PXDNL: variants seen among roughly 807,000 people sequenced by gnomAD.
PXDNL encodes the protein peroxidasin like.
In PXDNL, 145 loss-of-function variants were observed where a neutral mutation model predicts 150.8. That is an observed-to-expected ratio of 0.96 (90% CI 0.84 to 1.10). PXDNL has a LOEUF of 1.10. PXDNL is among the 50% of genes least tolerant of loss of function. PXDNL has a pLI of 0.00. For synonymous variants in PXDNL, 757 were observed against 725.7 expected, an observed-to-expected ratio of 1.04 and a Z score of -0.69; for missense variants, 2,087 against 1,873.9, an observed-to-expected ratio of 1.11 and a Z score of -2.10.
At chr8:51,442,574 T>C (rs186839010) in intron 12 of PXDNL, among the ~76,000 whole-genome samples, 1 of 152,206 alleles carries the variant, frequency 6.6e-6, no homozygotes, top group Admixed American at 6.5e-5. Context: ...TGAGAATGAA[T>C]GTTGAATGTT....
chr8:51,802,687 G>A (rs776021693), intron 1 of PXDNL, among the ~76,000 whole-genome samples: 1 of 152,160 alleles, frequency 6.6e-6, no homozygotes, highest in South Asian at 2.1e-4. Flanking sequence ...TATTGCATTT[G>A]AAAAGGGTCT....
At chr8:51,716,031 T>C (rs1281201850) in intron 1 of PXDNL, among the ~76,000 whole-genome samples, 1 of 152,226 alleles carries the variant, frequency 6.6e-6, no homozygotes, top group Non-Finnish European at 1.5e-5. Flanking sequence ...TGCTCAACCA[T>C]AGACTGGCTT....
chr8:51,436,861 G>A (rs1809419493), intron 12 of PXDNL, among the ~76,000 whole-genome samples: 1 of 151,906 alleles, frequency 6.6e-6, no homozygotes, highest in Non-Finnish European at 1.5e-5. Flanking sequence ...AAAGACCAGA[G>A]CAGAACTACA....
chr8:51,510,995 T>C (rs1243617008), intron 4 of PXDNL, among the ~76,000 whole-genome samples: 2 of 152,194 alleles, frequency 1.3e-5, no homozygotes, highest in Non-Finnish European at 2.9e-5. Flanking sequence ...GTGTTAGCTA[T>C]GAGGATGCTA....
chr8:51,652,378 ATC>A (rs10560519), intron 2 of PXDNL, among the ~76,000 whole-genome samples: 112,392 of 141,550 alleles, frequency 0.79, 44,274 homozygotes, highest in East Asian at 0.84. Flanking sequence ...CTAGACAGAA[ATC>A]TCTCTCTCTC....
chr8:51,350,042 C>A (rs144940250), intron 19 of PXDNL, among the ~76,000 whole-genome samples: 1 of 152,104 alleles, frequency 6.6e-6, no homozygotes, highest in Non-Finnish European at 1.5e-5. Context: ...GGGGTATATA[C>A]CCTGGTTCTT....
At chr8:51,707,814 T>A (rs2976211) in intron 1 of PXDNL, among the ~76,000 whole-genome samples, 4,328 of 152,270 alleles carry the variant, frequency 0.028, 207 homozygotes, top group African/African-American at 0.098. Context: ...TAACATAATA[T>A]CTTTCAGGTC....
At chr8:51,337,302 CTG>C (rs1464349148) in intron 21 of PXDNL, among the ~76,000 whole-genome samples, 1 of 152,134 alleles carries the variant, frequency 6.6e-6, no homozygotes, top group Non-Finnish European at 1.5e-5. Context: ...TGGAATCTAC[CTG>C]TGTCTGTAAA....
At chr8:51,573,524 A>G (rs1812988557) in intron 3 of PXDNL, among the ~76,000 whole-genome samples, 1 of 151,982 alleles carries the variant, frequency 6.6e-6, no homozygotes, top group Admixed American at 6.6e-5. Context: ...ATAATAAAGC[A>G]TTTATACCCT....
intron 2 of PXDNL, among the ~76,000 whole-genome samples, chr8:51,596,613 T>C (rs966759909): frequency 5.3e-5 from 8 of 151,552 alleles, no homozygotes; most frequent in African/African-American, 1.9e-4. Flanking sequence ...ATTATAGAGG[T>C]AGTATCTTAT....
At chr8:51,778,059 G>A (rs781384718) in intron 1 of PXDNL, among the ~76,000 whole-genome samples, 14 of 152,128 alleles carry the variant, frequency 9.2e-5, no homozygotes, top group African/African-American at 3.1e-4. Flanking sequence ...TCAATTGGCC[G>A]GGTGTGGTGG....
chr8:51,357,094 A>G (rs1461439124), intron 19 of PXDNL, among the ~76,000 whole-genome samples: 1 of 152,218 alleles, frequency 6.6e-6, no homozygotes, highest in African/African-American at 2.4e-5. Context: ...AAGTACCCAG[A>G]AAAACAAAAA....
chr8:51,567,699 A>T lies in PXDNL; in HGVS notation c.309-10788T>A, dbSNP rs79725097. On this transcript the variant is annotated intron_variant, in intron 3 of 22. Transcript: ENST00000356297. ...GGGTAGTGCTGGTACCTTGTAACAG[A>T]GTATAGTCATCCTTCAGTATCCATA... 5.1e-4 allele frequency among the ~76,000 whole-genome samples: 77 copies of T among 151,866 alleles called. 1 individual carries two copies. In the East Asian group the frequency reaches 0.014, roughly 28 times the overall value.
chr8:51,496,954 C>A (rs1200907658), intron 5 of PXDNL, among the ~76,000 whole-genome samples: 1 of 151,954 alleles, frequency 6.6e-6, no homozygotes, highest in Non-Finnish European at 1.5e-5. Flanking sequence ...CATATAGAAC[C>A]AAAAAAGAGC....
chr8:51,377,886 C>T (rs1214235605), intron 17 of PXDNL, among the ~76,000 whole-genome samples: 1 of 152,244 alleles, frequency 6.6e-6, no homozygotes, highest in Non-Finnish European at 1.5e-5. Flanking sequence ...CCATCAACTG[C>T]CCAAGGGCTG....
intron 3 of PXDNL, among the ~76,000 whole-genome samples, chr8:51,577,677 A>G (rs1405002455): frequency 1.3e-5 from 2 of 149,888 alleles, no homozygotes; most frequent in East Asian, 3.9e-4. Flanking sequence ...ACTAAATTCT[A>G]TGCCCATTCA....
chr8:51,323,830 C>T (rs1402922971), intron 21 of PXDNL, among the ~76,000 whole-genome samples: 8 of 151,478 alleles, frequency 5.3e-5, no homozygotes, highest in African/African-American at 1.7e-4. Context: ...GCAGGATAAT[C>T]ATTTGAACCC....
intron 2 of PXDNL, among the ~76,000 whole-genome samples, chr8:51,597,796 C>A (rs528926412): frequency 1.3e-5 from 2 of 151,568 alleles, no homozygotes; most frequent in African/African-American, 4.8e-5. Flanking sequence ...CTCACCGCAA[C>A]CTCCGCCTCC....
intron 4 of PXDNL, among the ~76,000 whole-genome samples, chr8:51,516,083 T>C (rs1262008034): frequency 1.3e-5 from 2 of 152,184 alleles, no homozygotes; most frequent in African/African-American, 2.4e-5. Flanking sequence ...TTTGGGTGGA[T>C]TTTTTTCTGT....
Sources: allele counts gnomAD v4.1 joint callset (sites outside exome capture counted in the v4.1 genomes callset), GRCh38; gene constraint gnomAD v4.1.1; transcripts MANE v1.5; gene names NCBI Gene and HGNC (gene_info 2026-07-23, HGNC 2026-07-21).